The following CCDC91 variants were observed in gnomAD, a reference collection of about 807,000 sequenced individuals.
CCDC91 encodes coiled-coil domain-containing protein 91.
CCDC91 carries 48 observed loss-of-function variants against 63.2 expected under a neutral mutation model. That is an observed-to-expected ratio of 0.76 (90% CI 0.60 to 0.97). The LOEUF is 0.97. CCDC91 is among the 50% of genes least tolerant of loss of function. The pLI is 0.00. For missense variants in CCDC91, 500 were observed against 494.6 expected, an observed-to-expected ratio of 1.01 and a Z score of -0.10; for synonymous variants, 167 against 165.8, an observed-to-expected ratio of 1.01 and a Z score of -0.06.
chr12:28,486,554 A>G (rs1485553093), intron 12 of CCDC91, among the ~76,000 whole-genome samples: 1 of 148,610 alleles, frequency 6.7e-6, no homozygotes, highest in East Asian at 1.9e-4. Flanking sequence ...TCTTAAAAGA[A>G]TTTTAAAGAT....
At chr12:28,463,812 T>C (rs1016793480) in intron 11 of CCDC91, among the ~76,000 whole-genome samples, 5 of 152,114 alleles carry the variant, frequency 3.3e-5, no homozygotes, top group Non-Finnish European at 7.4e-5. Flanking sequence ...TGAAGAAGTA[T>C]AGCAAGATGG....
intron 6 of CCDC91, among the ~76,000 whole-genome samples, chr12:28,315,294 C>T (rs1400470174): frequency 6.6e-6 from 1 of 151,668 alleles, no homozygotes; most frequent in African/African-American, 2.4e-5. Flanking sequence ...GCCTCTGAAG[C>T]AGCTGGAATT....
At chr12:28,538,519 T>A (rs11049703) in intron 12 of CCDC91, among the ~76,000 whole-genome samples, 2 of 151,382 alleles carry the variant, frequency 1.3e-5, no homozygotes, top group African/African-American at 2.4e-5. Context: ...TTGGACATTT[T>A]GGTTGGTTCC....
intron 1 of CCDC91, among the ~76,000 whole-genome samples, chr12:28,204,523 A>G (rs1010862081): frequency 1.3e-5 from 2 of 152,154 alleles, no homozygotes; most frequent in East Asian, 1.9e-4. Flanking sequence ...AGCAATTTCA[A>G]ATTTTCACAC....
At chr12:28,435,757 A>G (rs1452217322) in intron 8 of CCDC91, among the ~76,000 whole-genome samples, 1 of 151,690 alleles carries the variant, frequency 6.6e-6, no homozygotes, top group African/African-American at 2.4e-5. Context: ...TTGCAGTTCT[A>G]TCAGCTTTTT....
chr12:28,387,829 G>C (rs748539069), intron 7 of CCDC91, among the ~76,000 whole-genome samples: 2 of 152,138 alleles, frequency 1.3e-5, no homozygotes, highest in Non-Finnish European at 2.9e-5. Context: ...TTGCAATTGT[G>C]AATTGTTCCG....
intron 1 of CCDC91, among the ~76,000 whole-genome samples, chr12:28,211,708 T>G (rs1454143041): frequency 6.6e-6 from 1 of 152,164 alleles, no homozygotes; most frequent in Non-Finnish European, 1.5e-5. Flanking sequence ...GATCCCATTT[T>G]TTACCTAAAA....
At chr12:28,325,648 G>A (rs1565799678) in intron 6 of CCDC91, among the ~76,000 whole-genome samples, 1 of 151,922 alleles carries the variant, frequency 6.6e-6, no homozygotes, top group African/African-American at 2.4e-5. Context: ...AAAGCCAAAA[G>A]TTGAAGATGG....
intron 3 of CCDC91, among the ~76,000 whole-genome samples, chr12:28,263,076 C>T (rs1946933955): frequency 6.6e-6 from 1 of 151,950 alleles, no homozygotes; most frequent in African/African-American, 2.4e-5. Context: ...CTTACCTCAT[C>T]TTCCATCCAC....
intron 1 of CCDC91, among the ~76,000 whole-genome samples, chr12:28,203,013 G>T (rs1237610296): frequency 6.6e-6 from 1 of 152,210 alleles, no homozygotes; most frequent in Non-Finnish European, 1.5e-5. Context: ...CCAGGGAACT[G>T]CCAGACAGGT....
At chr12:28,287,623 A>G (rs540657415) in intron 3 of CCDC91, among the ~76,000 whole-genome samples, 1 of 152,172 alleles carries the variant, frequency 6.6e-6, no homozygotes, top group Non-Finnish European at 1.5e-5. Context: ...CTCCTGTAGT[A>G]CAATTTGAAG....
At chr12:28,206,230 TA>T (rs1942838596) in intron 1 of CCDC91, among the ~76,000 whole-genome samples, 2 of 152,148 alleles carry the variant, frequency 1.3e-5, no homozygotes, top group African/African-American at 4.8e-5. Flanking sequence ...TAATTTTGTT[TA>T]AAAAAATTCC....
chr12:28,310,121 A>G (rs1939164936), intron 6 of CCDC91, among the ~76,000 whole-genome samples: 1 of 152,038 alleles, frequency 6.6e-6, no homozygotes, highest in African/African-American at 2.4e-5. Context: ...GTATAGCCAC[A>G]CTTACTGACC....
At chr12:28,456,188 T>G (rs1375476915) in intron 11 of CCDC91, among the ~76,000 whole-genome samples, 1 of 152,176 alleles carries the variant, frequency 6.6e-6, no homozygotes, top group Non-Finnish European at 1.5e-5. Context: ...CTGCCATGTT[T>G]TGGCACTGTT....
intron 12 of CCDC91, among the ~76,000 whole-genome samples, chr12:28,536,090 T>C (rs1942153890): frequency 6.6e-6 from 1 of 152,112 alleles, no homozygotes; most frequent in South Asian, 2.1e-4. Flanking sequence ...AATAACATTT[T>C]AGAATGCAGA....
chr12:28,233,346 T>C (rs1230804596), intron 1 of CCDC91, among the ~76,000 whole-genome samples: 1 of 152,182 alleles, frequency 6.6e-6, no homozygotes, highest in East Asian at 1.9e-4. Flanking sequence ...TTTTATAACA[T>C]GTATTCTCTA....
intron 6 of CCDC91, among the ~76,000 whole-genome samples, chr12:28,349,285 GT>G (rs201392397): frequency 0.013 from 2,031 of 152,060 alleles, 19 homozygotes; most frequent in Middle Eastern, 0.02. Context: ...TAAATGTTTT[GT>G]TTTCCAGAGG....
At chr12:28,538,038 G>A (rs142565594) in intron 12 of CCDC91, among the ~76,000 whole-genome samples, 10 of 151,498 alleles carry the variant, frequency 6.6e-5, no homozygotes, top group Non-Finnish European at 1.5e-4. Context: ...TTTTTGATAG[G>A]TGTTTAGTGT....
intron 11 of CCDC91, among the ~76,000 whole-genome samples, chr12:28,464,905 A>C (rs1262622717): frequency 6.6e-6 from 1 of 152,098 alleles, no homozygotes; most frequent in Non-Finnish European, 1.5e-5. Flanking sequence ...CAGTTCTAGG[A>C]CTTGGCTCTT....
Sources: gnomAD v4.1 joint callset for allele counts (sites outside exome capture counted in the v4.1 genomes callset) on GRCh38, gnomAD v4.1.1 for gene constraint, MANE v1.5 for transcripts, NCBI Gene and HGNC (gene_info 2026-07-23, HGNC 2026-07-21) for gene names.